The following PTPRG variants were observed in gnomAD, a reference collection of about 807,000 sequenced individuals.
The protein encoded by PTPRG is protein tyrosine phosphatase receptor type G.
A neutral mutation model predicts 165.3 loss-of-function variants in PTPRG; 102 were observed. That is an observed-to-expected ratio of 0.62 (90% CI 0.53 to 0.73). The LOEUF is 0.73. Ranked by LOEUF, PTPRG falls within the 30% of genes least tolerant of loss-of-function variation. The probability of loss-of-function intolerance (pLI) is 0.00; values close to 1 mark genes in which losing one functional copy is unlikely to be tolerated. For synonymous variants in PTPRG, 675 were observed against 669.5 expected, an observed-to-expected ratio of 1.01 and a Z score of -0.13; for missense variants, 1,866 against 1,861.4, an observed-to-expected ratio of 1.00 and a Z score of -0.05.
intron 4 of PTPRG, among the ~76,000 whole-genome samples, chr3:62,042,260 A>T (rs1322306054): frequency 6.6e-6 from 1 of 152,158 alleles, no homozygotes; most frequent in Non-Finnish European, 1.5e-5. Context: ...CTGGCCTGTC[A>T]TAAAGCCATG....
intron 1 of PTPRG, among the ~76,000 whole-genome samples, chr3:61,674,818 T>C: frequency 6.6e-6 from 1 of 152,224 alleles, no homozygotes; most frequent in East Asian, 1.9e-4. Context: ...AATTCCCCTC[T>C]GTGTGAGTGT....
intron 5 of PTPRG, among the ~76,000 whole-genome samples, chr3:62,123,975 G>C (rs1323578593): frequency 1.3e-5 from 2 of 152,050 alleles, no homozygotes; most frequent in Non-Finnish European, 2.9e-5. Context: ...CTGCAGAAAG[G>C]GCATTTAAAA....
intron 5 of PTPRG, among the ~76,000 whole-genome samples, chr3:62,127,917 A>G (rs1413062123): frequency 6.6e-6 from 1 of 152,204 alleles, no homozygotes; most frequent in East Asian, 1.9e-4. Flanking sequence ...TAGCTTGGCT[A>G]CTAATTTGAT....
intron 10 of PTPRG, among the ~76,000 whole-genome samples, chr3:62,200,645 T>C (rs1179301886): frequency 2.0e-5 from 3 of 152,216 alleles, no homozygotes; most frequent in Non-Finnish European, 2.9e-5. Context: ...TTCTAAGTTA[T>C]ATTGTTTAAT....
In PTPRG at chr3:61,948,016, C is replaced by T. The variant is rs147492272; in HGVS notation, c.191-41609C>T. Among the ~76,000 whole-genome samples, 777 of 152,140 alleles carry T rather than the reference C, an allele frequency of 5.1e-3. 8 individuals are homozygous for T. Among genetic ancestry groups the T allele is most frequent in the Middle Eastern group, 0.01 (3 of 294 alleles). ...GGCCAGGCACGGAAAACACGTATCC[C>T]ATAGGAAATCAAGAAGGAAACTCTA... On this transcript the variant is annotated intron_variant, in intron 2 of 29. Transcript: ENST00000474889.
chr3:62,043,222 A>G (rs1255929548), intron 4 of PTPRG, among the ~76,000 whole-genome samples: 2 of 152,198 alleles, frequency 1.3e-5, no homozygotes, highest in Non-Finnish European at 2.9e-5. Context: ...CTAGGTTTCT[A>G]TATTTATCTT....
At position 62,231,287 on chromosome 3, in the gene PTPRG, G is replaced by C; in HGVS notation, c.2351G>C (p.Gly784Ala). The stretch of plus-strand genomic sequence containing the variant: ...CGTTTCCGTGAAGTGCCTTCTTCTG[G>C]GGAGAGAGGAGAGAAGGGGAGCAGG... ...PRRFREVPSS[G>A]ERGEKGSRKC... Residue 784 changes from glycine (G) to alanine (A), a missense_variant, in exon 14 of 30, where the codon GGG becomes GCG. Physicochemically the swap from Gly to Ala is moderately conservative, Grantham distance 60. Around this residue, in one of 3 missense-constraint regions of PTPRG, gnomAD observed 1,452 missense variants for 1,463.0 expected, o/e 0.99. Transcript: ENST00000474889. 6.3e-7 allele frequency: 1 copy of C among 1,597,216 alleles called. No homozygotes were observed. The highest frequency in any genetic ancestry group is 8.5e-7 in the Non-Finnish European group (1 of 1,171,444).
At chr3:61,781,216 A>G (rs2034534918) in intron 2 of PTPRG, among the ~76,000 whole-genome samples, 1 of 152,212 alleles carries the variant, frequency 6.6e-6, no homozygotes, top group Non-Finnish European at 1.5e-5. Flanking sequence ...TGCATTAAAA[A>G]AGTTCATAAA....
At chr3:61,671,578 T>C (rs1230095066) in intron 1 of PTPRG, among the ~76,000 whole-genome samples, 1 of 147,814 alleles carries the variant, frequency 6.8e-6, no homozygotes, top group Non-Finnish European at 1.5e-5. Context: ...TTTCTCAATC[T>C]TTTCCCCACC....
chr3:61,691,757 C>G (rs1475108008), intron 1 of PTPRG, among the ~76,000 whole-genome samples: 1 of 152,148 alleles, frequency 6.6e-6, no homozygotes, highest in African/African-American at 2.4e-5. Context: ...CATTTTGGTT[C>G]TCACCAAGAA....
chr3:61,992,891 TCCTGGCTTCAAGTGATCTG>T (rs963547729), intron 3 of PTPRG, among the ~76,000 whole-genome samples: 4 of 152,190 alleles, frequency 2.6e-5, no homozygotes, highest in African/African-American at 9.6e-5. Flanking sequence ...GGTCTTGAGC[TCCTGGCTTCAAGTGATCTG>T]CCTGCCTCAG....
chr3:61,953,519 C>G (rs1212709700), intron 2 of PTPRG, among the ~76,000 whole-genome samples: 1 of 152,120 alleles, frequency 6.6e-6, no homozygotes, highest in Non-Finnish European at 1.5e-5. Flanking sequence ...TACGGGCTCC[C>G]TAGTAAATTA....
At position 61,909,779 on chromosome 3, in the gene PTPRG, A is replaced by G. The variant is rs192715267; in HGVS notation, c.191-79846A>G. Among the ~76,000 whole-genome samples the G allele has an allele frequency of 1.8e-3, 281 of 152,370 alleles. 2 individuals are homozygous for G. Among genetic ancestry groups the G allele is most frequent in the Non-Finnish European group, 3.5e-3 (238 of 68,030 alleles). On this transcript the variant is annotated intron_variant, in intron 2 of 29. Coordinates refer to ENST00000474889, the MANE Select transcript of PTPRG (RefSeq NM_002841.4). The stretch of plus-strand genomic sequence containing the variant: ...AAAACTACAATACATGAGGTTTGTT[A>G]GAGAAATCGAATTGCTAATATTGCT...
At chr3:62,011,224 G>A (rs537595931) in intron 4 of PTPRG, among the ~76,000 whole-genome samples, 18 of 152,238 alleles carry the variant, frequency 1.2e-4, no homozygotes, top group East Asian at 7.7e-4. Context: ...TGAATTGTCC[G>A]CCGCTGGCAT....
intron 2 of PTPRG, among the ~76,000 whole-genome samples, chr3:61,795,833 A>G (rs989111118): frequency 6.6e-6 from 1 of 152,018 alleles, no homozygotes; most frequent in African/African-American, 2.4e-5. Context: ...CACCCCCATT[A>G]CAAAGTGGCC....
intron 8 of PTPRG, among the ~76,000 whole-genome samples, chr3:62,176,321 G>C (rs1705421883): frequency 6.6e-6 from 1 of 152,280 alleles, no homozygotes; most frequent in East Asian, 1.9e-4. Flanking sequence ...CAAGTGAGGT[G>C]TCTAACGTTC....
At chr3:61,943,699 A>G (rs1053681813) in intron 2 of PTPRG, among the ~76,000 whole-genome samples, 8 of 152,228 alleles carry the variant, frequency 5.3e-5, no homozygotes, top group African/African-American at 1.9e-4. Context: ...ATTTACTGTC[A>G]CCATCATGCC....
Position 61,879,380 on chromosome 3 carries a change from TTTTC to T in PTPRG, c.191-110235_191-110232del, listed in dbSNP as rs570538193. Among the ~76,000 whole-genome samples, 85 of 152,338 alleles carry T rather than the reference TTTTC, an allele frequency of 5.6e-4. 1 individual carries two copies. The South Asian group carries it at 0.013, about 24-fold the overall frequency. The stretch of plus-strand genomic sequence containing the variant: ...TCTTTTCCCATTTATCGAGGTCTTC[TTTTC>T]TTTCTTTCTACGGTTTTCTGTAGTT... On this transcript the variant is annotated intron_variant, in intron 2 of 29. Coordinates refer to ENST00000474889, the MANE Select transcript of PTPRG (RefSeq NM_002841.4).
intron 2 of PTPRG, among the ~76,000 whole-genome samples, chr3:61,980,881 T>G (rs2040624823): frequency 6.6e-6 from 1 of 152,204 alleles, no homozygotes; most frequent in Non-Finnish European, 1.5e-5. Context: ...TTCATTCACA[T>G]TCAAGGGAGG....
Sources: allele counts gnomAD v4.1 joint callset (sites outside exome capture counted in the v4.1 genomes callset), GRCh38; gene constraint gnomAD v4.1.1; regional missense constraint gnomAD v4.1.1; transcripts MANE v1.5; gene names NCBI Gene and HGNC (gene_info 2026-07-23, HGNC 2026-07-21).